Variants in TRIO observed in about 807,000 individuals in gnomAD.
TRIO encodes the protein triple functional domain protein.
In TRIO, 58 loss-of-function variants were observed where a neutral mutation model predicts 351.9. That is an observed-to-expected ratio of 0.16 (90% CI 0.13 to 0.21). The LOEUF is 0.21. TRIO is among the 10% of genes least tolerant of loss of function. The pLI is 1.00. For missense variants in TRIO, 3,201 were observed against 4,027.8 expected (o/e 0.79, Z 5.56); for synonymous variants, 1,758 against 1,595.7 (o/e 1.10, Z -2.42).
chr5:14,203,675 G>A (rs529808955), intron 1 of TRIO, among the ~76,000 whole-genome samples: 1 of 152,328 alleles, frequency 6.6e-6, no homozygotes, highest in African/African-American at 2.4e-5. Flanking sequence ...TCAAGCATGG[G>A]AATGGAGCCC....
chr5:14,480,618 G>A (rs1408744301), intron 43 of TRIO, among the ~76,000 whole-genome samples: 1 of 152,196 alleles, frequency 6.6e-6, no homozygotes, highest in East Asian at 1.9e-4. Context: ...GACTTCAAGT[G>A]TATTGATATT....
intron 11 of TRIO, among the ~76,000 whole-genome samples, chr5:14,343,627 C>CT (rs1742145534): frequency 6.6e-6 from 1 of 152,110 alleles, no homozygotes; most frequent in African/African-American, 2.4e-5. Context: ...ATTTCATGGT[C>CT]TGGATATATC....
chr5:14,254,720 G>T (rs969887160), intron 1 of TRIO, among the ~76,000 whole-genome samples: 9 of 152,160 alleles, frequency 5.9e-5, no homozygotes, highest in Admixed American at 3.3e-4. Flanking sequence ...GCTTTGGTGG[G>T]CTCCTCTCGG....
At position 14,294,273 on chromosome 5, in the gene TRIO, A is replaced by G. The variant is rs190875111; in HGVS notation, c.1176+1139A>G. Among the ~76,000 whole-genome samples, 51 of 152,336 alleles carry G rather than the reference A, an allele frequency of 3.3e-4. 1 individual carries two copies. Among genetic ancestry groups the G allele is most frequent in the Admixed American group, 6.5e-4 (10 of 15,298 alleles). On this transcript the variant is annotated intron_variant, in intron 6 of 56. Coordinates refer to ENST00000344204, the MANE Select transcript of TRIO (RefSeq NM_007118.4). ...GATGCCATTTAATTAAAATACAGTCAACTAGGTGCTACAATTTAGGTAGTT... is the reference window on the plus strand; with the variant it reads ...GATGCCATTTAATTAAAATACAGTCGACTAGGTGCTACAATTTAGGTAGTT...
At chr5:14,502,788 G>C (rs1357817824) in intron 54 of TRIO, 131 bp downstream of exon 54, 1 of 881,016 alleles carries the variant, frequency 1.1e-6, no homozygotes, top group Non-Finnish European at 1.8e-6. Context: ...CATTTGAATC[G>C]TAACTCTCAT....
At chr5:14,265,910 A>C (rs918962106) in intron 1 of TRIO, among the ~76,000 whole-genome samples, 4 of 152,212 alleles carry the variant, frequency 2.6e-5, no homozygotes, top group Admixed American at 2.6e-4. Flanking sequence ...AGGCTAAACT[A>C]CCTAACATTT....
At chr5:14,302,034 A>G (rs1347317437) in intron 7 of TRIO, among the ~76,000 whole-genome samples, 3 of 152,206 alleles carry the variant, frequency 2.0e-5, no homozygotes, top group Non-Finnish European at 4.4e-5. Flanking sequence ...CCCTGGCTAT[A>G]TGTTTTCAGA....
intron 25 of TRIO, among the ~76,000 whole-genome samples, chr5:14,389,666 G>T (rs1383796934): frequency 5.3e-5 from 8 of 152,188 alleles, no homozygotes. Context: ...TTTCTCTGAA[G>T]CCGAGCCGTC....
chr5:14,407,020 G>A (rs374520633), intron 33 of TRIO, among the ~76,000 whole-genome samples: 9 of 152,202 alleles, frequency 5.9e-5, no homozygotes, highest in Admixed American at 3.9e-4. Flanking sequence ...GAACACCAGC[G>A]TATGTTTTAA....
intron 21 of TRIO, among the ~76,000 whole-genome samples, chr5:14,387,012 C>T (rs755128670): frequency 2.0e-5 from 3 of 152,200 alleles, no homozygotes; most frequent in South Asian, 2.1e-4. Flanking sequence ...CTGCTTGCCC[C>T]GAAAGAGCTG....
At chr5:14,207,318 T>TCACACA (rs371912129) in intron 1 of TRIO, among the ~76,000 whole-genome samples, 7 of 11,062 alleles carry the variant, frequency 6.3e-4, no homozygotes, top group Non-Finnish European at 1.1e-3. Flanking sequence ...AGACTGTCTC[T>TCACACA]CACACACACA....
At chr5:14,386,422 G>C (rs890212103) in intron 21 of TRIO, among the ~76,000 whole-genome samples, 4 of 152,184 alleles carry the variant, frequency 2.6e-5, no homozygotes, top group African/African-American at 9.7e-5. Flanking sequence ...TTATGGCTTA[G>C]AACTTTGATT....
intron 41 of TRIO, among the ~76,000 whole-genome samples, chr5:14,478,505 C>T (rs1330202694): frequency 6.6e-6 from 1 of 152,148 alleles, no homozygotes; most frequent in Non-Finnish European, 1.5e-5. Flanking sequence ...CTTTGAGGAT[C>T]ACTGATTTAT....
chr5:14,230,425 T>C (rs1247846407), intron 1 of TRIO, among the ~76,000 whole-genome samples: 1 of 151,828 alleles, frequency 6.6e-6, no homozygotes, highest in East Asian at 1.9e-4. Context: ...CCCATCATTG[T>C]GACAACTGCA....
rs977738292 is a variant in TRIO, at chr5:14,270,915, C to A, written c.232+16C>A. 3.1e-6 allele frequency: 5 copies of A among 1,587,680 alleles called. No homozygotes were observed. Among genetic ancestry groups the A allele is most frequent in the Admixed American group, 1.7e-5 (1 of 59,930 alleles). On this transcript the variant is annotated intron_variant, in intron 2 of 56. Transcript: ENST00000344204. ...TACCTTTCAGGTAAAGTTTAACTTT[C>A]AACTCTGCTCTATCCAACTGCTCTG...
In TRIO at chr5:14,498,655, A is replaced by G. The variant is rs769435221; in HGVS notation, c.8332+15A>G. The G allele has an allele frequency of 5.0e-6, 8 of 1,610,260 alleles. No individual in the cohort carries two copies. The highest frequency in any genetic ancestry group is 6.8e-6 in the Non-Finnish European group (8 of 1,176,724). Reference sequence around the variant, plus strand: ...GAGGGTCCTAGGTAAGCACCGTGCAACGAGGATTCTACGTGACCCAGTGGG... The same window carrying G: ...GAGGGTCCTAGGTAAGCACCGTGCAGCGAGGATTCTACGTGACCCAGTGGG... On this transcript the variant is annotated intron_variant, in intron 53 of 56. Transcript: ENST00000344204.
chr5:14,453,828 A>G (rs1270554029), intron 34 of TRIO, among the ~76,000 whole-genome samples: 3 of 152,200 alleles, frequency 2.0e-5, no homozygotes, highest in African/African-American at 7.2e-5. Context: ...AAAGTTAGCG[A>G]TGGGGTGAAA....
rs1754223230 is a variant in TRIO, at chr5:14,465,932, G to T, written c.5763+292G>T. 8.6e-6 allele frequency: 3 copies of T among 350,266 alleles called. No individual in the cohort carries two copies. The Admixed American group carries it at 1.1e-4, about 13-fold the overall frequency. 21.7% of individuals were successfully genotyped at this position (350,266 alleles called of 1,614,324 possible). A position where few individuals can be genotyped will look rare whatever the true frequency, so the allele number is the denominator to read the frequency against. On this transcript the variant is annotated intron_variant, in intron 37 of 56. Transcript: ENST00000344204. Reference sequence around the variant, plus strand: ...TCTCAGGGAGTGCCTGGTTCAAGCTGCCAGCCATGCTCTCCCAGTGGAGTC... The same window carrying T: ...TCTCAGGGAGTGCCTGGTTCAAGCTTCCAGCCATGCTCTCCCAGTGGAGTC...
intron 1 of TRIO, among the ~76,000 whole-genome samples, chr5:14,155,813 C>T (rs1181281872): frequency 1.3e-5 from 2 of 152,116 alleles, no homozygotes; most frequent in Non-Finnish European, 2.9e-5. Context: ...CCTATTTGTC[C>T]CTTTGTCATT....
Sources: allele counts gnomAD v4.1 joint callset (sites outside exome capture counted in the v4.1 genomes callset), GRCh38; gene constraint gnomAD v4.1.1; transcripts MANE v1.5; gene names NCBI Gene and HGNC (gene_info 2026-07-23, HGNC 2026-07-21).